PTPRN2: variants seen among roughly 807,000 people sequenced by gnomAD.
The protein encoded by PTPRN2 is receptor-type tyrosine-protein phosphatase N2.
Under a neutral mutation model 118.8 loss-of-function variants are expected in PTPRN2, and 74 were observed. The observed-to-expected ratio is 0.62, with a 90% CI of 0.52 to 0.76. The LOEUF is 0.76. Ranked by LOEUF, PTPRN2 falls within the 30% of genes least tolerant of loss-of-function variation. PTPRN2 has a pLI of 0.00. For missense variants in PTPRN2, 1,481 were observed against 1,394.4 expected (o/e 1.06, Z -0.99); for synonymous variants, 641 against 608.0 (o/e 1.05, Z -0.80).
intron 2 of PTPRN2, among the ~76,000 whole-genome samples, chr7:158,449,331 G>A (rs906988157): frequency 9.8e-5 from 15 of 152,324 alleles, no homozygotes; most frequent in South Asian, 6.2e-4. Context: ...GAGGGTGGTC[G>A]GCCCACAGGG....
intron 1 of PTPRN2, among the ~76,000 whole-genome samples, chr7:158,538,974 C>G (rs1256016085): frequency 1.3e-5 from 2 of 152,180 alleles, no homozygotes; most frequent in African/African-American, 2.4e-5. Flanking sequence ...ACGAACCCCC[C>G]AGGGCTCAGC....
chr7:158,192,338 G>A lies in PTPRN2; in HGVS notation c.538C>T (p.Pro180Ser). Reference protein sequence around the residue: ...LARTHTAQDRPPAEGDDRFSE... With the variant: ...LARTHTAQDRSPAEGDDRFSE... The stretch of plus-strand genomic sequence containing the variant: ...AGTGGAAGGGTCACCTCAGCGGGGG[G>A]TCTGTCCTGCGCCGTATGGGTCCTG... Residue 180 changes from proline (P) to serine (S), a missense_variant, in exon 5 of 23, where the codon CCC (proline) becomes TCC (serine). Physicochemically the swap from Pro to Ser is moderately conservative, Grantham distance 74. Around this residue, in one of 3 missense-constraint regions of PTPRN2, gnomAD observed 1,115 missense variants for 994.2 expected, o/e 1.12. Transcript: ENST00000389418. 1 of 1,485,770 alleles carries A rather than the reference G, an allele frequency of 6.7e-7. No homozygotes were observed. Among genetic ancestry groups the A allele is most frequent in the South Asian group, 1.4e-5 (1 of 69,786 alleles). 92.0% of individuals were successfully genotyped at this position (1,485,770 alleles called of 1,614,324 possible).
rs923963780 is a variant in PTPRN2 at position 157,554,477 on chromosome 7, C to T, written c.2903-5458G>A. 2.0e-5 allele frequency among the ~76,000 whole-genome samples: 3 copies of T among 152,214 alleles called. No homozygotes were observed. In the South Asian group the frequency reaches 6.2e-4, roughly 32 times the overall value. Reference sequence around the variant, plus strand: ...GGTGGGTAGGGTGGGATAGGGTGGGCGTGTGTCCCCCTTCACTTGATAAAA... The same window carrying T: ...GGTGGGTAGGGTGGGATAGGGTGGGTGTGTGTCCCCCTTCACTTGATAAAA... On this transcript the variant is annotated intron_variant, in intron 21 of 22. Coordinates refer to ENST00000389418, the MANE Select transcript of PTPRN2 (RefSeq NM_002847.5).
intron 1 of PTPRN2, among the ~76,000 whole-genome samples, chr7:158,569,835 C>G (rs1214966735): frequency 7.0e-6 from 1 of 142,808 alleles, no homozygotes; most frequent in Admixed American, 6.9e-5. Flanking sequence ...CTGACAGGAA[C>G]GCGGGGCGCG....
At chr7:158,068,890 T>C (rs1810992407) in intron 11 of PTPRN2, among the ~76,000 whole-genome samples, 1 of 152,182 alleles carries the variant, frequency 6.6e-6, no homozygotes, top group African/African-American at 2.4e-5. Flanking sequence ...CAAACTGTCT[T>C]TAAATTTAAA....
chr7:158,566,775 G>A (rs1292820557), intron 1 of PTPRN2, among the ~76,000 whole-genome samples: 1 of 152,138 alleles, frequency 6.6e-6, no homozygotes, highest in Non-Finnish European at 1.5e-5. Context: ...GAGTGCAGTG[G>A]CACAATCTCT....
chr7:158,067,841 TGGGCCATGGGCAGCACACTGGGTCACGCC>T (rs1810895476), intron 11 of PTPRN2, among the ~76,000 whole-genome samples: 3 of 150,012 alleles, frequency 2.0e-5, no homozygotes, highest in South Asian at 2.1e-4. Flanking sequence ...TGGGTCACGC[TGGGCCATGGGCAGCACACTGGGTCACGCC>T]GGGCCATGGG....
At chr7:158,547,258 C>T (rs992937020) in intron 1 of PTPRN2, among the ~76,000 whole-genome samples, 1 of 152,136 alleles carries the variant, frequency 6.6e-6, no homozygotes, top group African/African-American at 2.4e-5. Flanking sequence ...ACAACCACCA[C>T]TGCCATCTGT....
chr7:157,885,582 A>C (rs1024545519), intron 12 of PTPRN2, among the ~76,000 whole-genome samples: 1 of 152,202 alleles, frequency 6.6e-6, no homozygotes, highest in African/African-American at 2.4e-5. Context: ...TCTGCTCATC[A>C]GCGTCCATGT....
intron 1 of PTPRN2, among the ~76,000 whole-genome samples, chr7:158,568,757 C>A (rs960885314): frequency 8.5e-5 from 13 of 152,076 alleles, no homozygotes; most frequent in African/African-American, 3.1e-4. Context: ...GTTGCCAAAT[C>A]TTTATGTGTG....
intron 1 of PTPRN2, among the ~76,000 whole-genome samples, chr7:158,528,240 T>G (rs1824936483): frequency 6.6e-6 from 1 of 151,962 alleles, no homozygotes; most frequent in Non-Finnish European, 1.5e-5. Context: ...TACAGTGTGG[T>G]GGGGGTACCC....
chr7:158,171,119 CAT>C (rs201455022), intron 5 of PTPRN2, among the ~76,000 whole-genome samples: 8 of 120,360 alleles, frequency 6.6e-5, no homozygotes, highest in Non-Finnish European at 1.0e-4. Context: ...TATATACACA[CAT>C]ATATACACAT....
At chr7:157,642,814 CAAAAAAAAAA>C (rs11335302) in intron 14 of PTPRN2, among the ~76,000 whole-genome samples, 1 of 24,222 alleles carries the variant, frequency 4.1e-5, no homozygotes, top group African/African-American at 1.1e-4. Context: ...CAAGAAACAG[CAAAAAAAAAA>C]AAAAAAAAAA....
At position 157,649,200 on chromosome 7, in the gene PTPRN2, A is replaced by T. The variant is rs377496222; in HGVS notation, c.2196+7157T>A. Among the ~76,000 whole-genome samples the T allele has an allele frequency of 1.3e-4, 14 of 109,172 alleles. No homozygotes were observed. The East Asian group carries it at 5.1e-3, about 40-fold the overall frequency. 71.6% of individuals were successfully genotyped at this position (109,172 alleles called of 152,430 possible). On this transcript the variant is annotated intron_variant, in intron 14 of 22. Transcript: ENST00000389418. Reference sequence around the variant, plus strand: ...GTCGGACCCATTCGCTGTGCACTGAACTCGGTGGGTCAGACCCATCCAGCG... The same window carrying T: ...GTCGGACCCATTCGCTGTGCACTGATCTCGGTGGGTCAGACCCATCCAGCG...
chr7:158,146,066 C>A (rs1329559013), intron 6 of PTPRN2, among the ~76,000 whole-genome samples: 2 of 106,764 alleles, frequency 1.9e-5, no homozygotes, highest in Admixed American at 1.0e-4. Context: ...ACTCTTTTCC[C>A]CCTTTCCCAT....
At position 157,987,499 on chromosome 7, in the gene PTPRN2, G is replaced by A. The variant is rs542310182; in HGVS notation, c.1724-88762C>T. ...ACTAATAGGGTGTGATGACCTGTCA[G>A]TCATTATCTCTTGCATAAGAGACTT... On this transcript the variant is annotated intron_variant, in intron 11 of 22. Coordinates refer to ENST00000389418, the MANE Select transcript of PTPRN2 (RefSeq NM_002847.5). This position sits in a 1 kb window ranked among gnomAD's most constrained non-coding sequence, Gnocchi z 4.3. Among the ~76,000 whole-genome samples, 3 of 152,230 alleles carry A rather than the reference G, an allele frequency of 2.0e-5. No individual in the cohort carries two copies. Among genetic ancestry groups the A allele is most frequent in the African/African-American group, 7.2e-5 (3 of 41,532 alleles).
At chr7:157,906,562 G>GA (rs764405332) in intron 11 of PTPRN2, among the ~76,000 whole-genome samples, 1 of 151,856 alleles carries the variant, frequency 6.6e-6, no homozygotes, top group Non-Finnish European at 1.5e-5. Flanking sequence ...GGTATTCTAT[G>GA]AAAAAATGGG....
At chr7:157,879,041 C>T (rs993025799) in intron 12 of PTPRN2, among the ~76,000 whole-genome samples, 1 of 146,790 alleles carries the variant, frequency 6.8e-6, no homozygotes, top group Non-Finnish European at 1.5e-5. Flanking sequence ...CGTGCACCCA[C>T]AATTACTCAC....
intron 3 of PTPRN2, among the ~76,000 whole-genome samples, chr7:158,278,951 T>A (rs535775539): frequency 6.6e-6 from 1 of 152,296 alleles, no homozygotes; most frequent in South Asian, 2.1e-4. Flanking sequence ...TCGTGGTGGA[T>A]TTGTGGTCTC....
Sources: gnomAD v4.1 joint callset for allele counts (sites outside exome capture counted in the v4.1 genomes callset) on GRCh38, gnomAD v4.1.1 for gene constraint, gnomAD v4.1.1 regional missense constraint, Gnocchi (gnomAD v3.1) non-coding constraint, MANE v1.5 for transcripts, NCBI Gene and HGNC (gene_info 2026-07-23, HGNC 2026-07-21) for gene names.